EVA1C: variants seen among roughly 807,000 people sequenced by gnomAD.
The protein encoded by EVA1C is protein eva-1 homolog C.
EVA1C carries 25 observed loss-of-function variants against 45.4 expected under a neutral mutation model. The ratio of observed to expected loss-of-function variants is 0.55; its 90% CI spans 0.40 to 0.77. The LOEUF (loss-of-function observed/expected upper bound fraction) is 0.77. EVA1C is among the 30% of genes least tolerant of loss of function. The pLI, the probability that EVA1C is intolerant of heterozygous loss-of-function variation, is 0.00. For missense variants in EVA1C, 479 were observed against 554.8 expected, an observed-to-expected ratio of 0.86 and a Z score of 1.37; for synonymous variants, 190 against 221.2, an observed-to-expected ratio of 0.86 and a Z score of 1.25.
chr21:32,433,755 C>A (rs759402834), intron 1 of EVA1C, among the ~76,000 whole-genome samples: 2 of 152,014 alleles, frequency 1.3e-5, no homozygotes, highest in Non-Finnish European at 1.5e-5. Context: ...GAGTCCTGAC[C>A]CCCAGCACCT....
chr21:32,484,181 C>T (rs985525092), intron 4 of EVA1C, among the ~76,000 whole-genome samples: 2 of 152,118 alleles, frequency 1.3e-5, no homozygotes, highest in Non-Finnish European at 2.9e-5. Flanking sequence ...GTACCTCCTC[C>T]AAACCCCAGG....
intron 7 of EVA1C, among the ~76,000 whole-genome samples, chr21:32,506,575 C>G (rs2037727944): frequency 6.6e-6 from 1 of 151,940 alleles, no homozygotes; most frequent in Non-Finnish European, 1.5e-5. Flanking sequence ...ATCACAGAGG[C>G]TCACAAAGCC....
At chr21:32,434,578 G>A (rs187961617) in intron 1 of EVA1C, among the ~76,000 whole-genome samples, 2,083 of 151,658 alleles carry the variant, frequency 0.014, 57 homozygotes, top group African/African-American at 0.048. Context: ...GCGACAGAGC[G>A]AGACTCCGTC....
intron 1 of EVA1C, among the ~76,000 whole-genome samples, chr21:32,442,121 C>T (rs914845758): frequency 6.6e-6 from 1 of 152,148 alleles, no homozygotes; most frequent in Non-Finnish European, 1.5e-5. Flanking sequence ...CCTGTGTGCT[C>T]GGGAAGAAAA....
Position 32,451,925 on chromosome 21 carries a change from T to A in EVA1C, c.161-1387T>A, listed in dbSNP as rs553707068. Among the ~76,000 whole-genome samples the A allele has an allele frequency of 8.5e-5, 13 of 152,332 alleles. No homozygotes were observed. In the South Asian group the frequency reaches 2.1e-3, roughly 24 times the overall value. On this transcript the variant is annotated intron_variant, in intron 1 of 7. Transcript: ENST00000300255. Reference sequence around the variant, plus strand: ...CTGGGGTTCCTGATGAACGTGAATTTGAGGGGACATCATTCAACCCACAGC... The same window carrying A: ...CTGGGGTTCCTGATGAACGTGAATTAGAGGGGACATCATTCAACCCACAGC...
intron 4 of EVA1C, among the ~76,000 whole-genome samples, chr21:32,483,947 T>C (rs1257280784): frequency 6.8e-6 from 1 of 147,984 alleles, no homozygotes; most frequent in South Asian, 2.2e-4. Flanking sequence ...TTTATGATAA[T>C]GTTCCTCACT....
Position 32,514,931 on chromosome 21 carries a change from TGG to T in EVA1C, c.1070_1071del (p.Gly357GlufsTer9). On this transcript the variant is annotated frameshift_variant, in exon 8 of 8. Transcript: ENST00000300255. LOFTEE classifies it high-confidence loss of function. The stretch of plus-strand genomic sequence containing the variant: ...GCCAAGGACTTCCGCGACTTGCAGC[TGG>T]GGAGGGAGCAGCTGGTGCCAGGAAG... 1 of 1,614,054 alleles carries T rather than the reference TGG, an allele frequency of 6.2e-7. No individual in the cohort carries two copies.
intron 4 of EVA1C, among the ~76,000 whole-genome samples, chr21:32,489,539 T>C (rs2037085341): frequency 6.6e-6 from 1 of 152,204 alleles, no homozygotes; most frequent in South Asian, 2.1e-4. Flanking sequence ...GTGTGATGCT[T>C]CCAGTTTTGT....
intron 1 of EVA1C, among the ~76,000 whole-genome samples, chr21:32,437,861 G>A (rs1457201510): frequency 6.6e-6 from 1 of 152,170 alleles, no homozygotes; most frequent in African/African-American, 2.4e-5. Context: ...TCTTGGTGAC[G>A]AATGAGGGAG....
intron 1 of EVA1C, among the ~76,000 whole-genome samples, chr21:32,415,614 G>A (rs554815734): frequency 3.3e-5 from 5 of 151,774 alleles, no homozygotes; most frequent in Middle Eastern, 3.4e-3. Context: ...TTCCAGCATC[G>A]ATCTCACTCT....
chr21:32,459,216 ACT>A (rs552051274), intron 3 of EVA1C, among the ~76,000 whole-genome samples: 21 of 152,082 alleles, frequency 1.4e-4, no homozygotes, highest in African/African-American at 4.1e-4. Flanking sequence ...ACTCACTCAC[ACT>A]GTCATACATG....
chr21:32,439,592 A>C (rs1336513428), intron 1 of EVA1C, among the ~76,000 whole-genome samples: 1 of 152,134 alleles, frequency 6.6e-6, no homozygotes, highest in Non-Finnish European at 1.5e-5. Context: ...GAAATCCTCC[A>C]CCGAGCCAAT....
intron 6 of EVA1C, 114 bp downstream of exon 6, chr21:32,501,609 T>C: frequency 7.3e-7 from 1 of 1,360,854 alleles, no homozygotes; most frequent in South Asian, 1.5e-5. Context: ...AGGAGGTGTG[T>C]TTGAGGTACC....
intron 1 of EVA1C, among the ~76,000 whole-genome samples, chr21:32,422,044 CAAAAAAAA>C (rs57794940): frequency 1.1e-5 from 1 of 92,318 alleles, no homozygotes; most frequent in East Asian, 2.8e-4. Context: ...GACCCTGTCT[CAAAAAAAA>C]AAAAAAAAAA....
At chr21:32,465,508 A>C (rs2036140698) in intron 3 of EVA1C, among the ~76,000 whole-genome samples, 1 of 152,206 alleles carries the variant, frequency 6.6e-6, no homozygotes, top group Non-Finnish European at 1.5e-5. Flanking sequence ...AACAGTGGTG[A>C]TAGGGTAGAG....
chr21:32,441,780 A>G (rs1042367924), intron 1 of EVA1C, among the ~76,000 whole-genome samples: 5 of 152,186 alleles, frequency 3.3e-5, no homozygotes, highest in Non-Finnish European at 7.3e-5. Context: ...AAGTAAGAAA[A>G]AGTGACAAGA....
At chr21:32,506,400 A>C (rs925408024) in intron 7 of EVA1C, among the ~76,000 whole-genome samples, 3 of 151,434 alleles carry the variant, frequency 2.0e-5, no homozygotes, top group Admixed American at 1.3e-4. Flanking sequence ...TTTAAAATGT[A>C]AGGACTTGAT....
intron 4 of EVA1C, among the ~76,000 whole-genome samples, chr21:32,487,696 G>C (rs2037017863): frequency 6.6e-6 from 1 of 151,274 alleles, no homozygotes; most frequent in Non-Finnish European, 1.5e-5. Context: ...CTCCAGTCTG[G>C]GGGACAGAGT....
At chr21:32,453,558 C>A (rs747592687) in intron 2 of EVA1C, 50 bp downstream of exon 2, 9 of 1,280,420 alleles carry the variant, frequency 7.0e-6, no homozygotes, top group Non-Finnish European at 1.0e-5. Flanking sequence ...AACACACACT[C>A]TTTCTCTCTC....
Sources: allele counts gnomAD v4.1 joint callset (sites outside exome capture counted in the v4.1 genomes callset), GRCh38; gene constraint gnomAD v4.1.1; transcripts MANE v1.5; gene names NCBI Gene and HGNC (gene_info 2026-07-23, HGNC 2026-07-21).